Variants in SPTB observed in about 807,000 individuals in gnomAD.
SPTB encodes the protein spectrin beta chain, erythrocytic.
Under a neutral mutation model 256.2 loss-of-function variants are expected in SPTB, and 45 were observed. The ratio of observed to expected loss-of-function variants is 0.18; its 90% CI spans 0.14 to 0.23. The LOEUF is 0.23. Ranked by LOEUF, SPTB falls within the 10% of genes least tolerant of loss-of-function variation. The pLI is 1.00. For synonymous variants in SPTB, 1,231 were observed against 1,243.1 expected, an observed-to-expected ratio of 0.99 and a Z score of 0.21; for missense variants, 2,715 against 3,040.4, an observed-to-expected ratio of 0.89 and a Z score of 2.52.
intron 1 of SPTB, among the ~76,000 whole-genome samples, chr14:64,875,722 ATTC>A (rs1205179457): frequency 1.3e-5 from 2 of 151,862 alleles, no homozygotes; most frequent in Admixed American, 6.5e-5. Flanking sequence ...CAAAGATAAA[ATTC>A]TTCTTTCCAC....
In SPTB at chr14:64,823,857, C is replaced by G. The variant is rs541961974; in HGVS notation, c.-51-712G>C. ...TGAATTCCAGGACAGACTGAGCAAC[C>G]CAAAGGAGCCTGCTGTCCCATCAAG... On this transcript the variant is annotated intron_variant, in intron 1 of 35. Transcript: ENST00000644917. The surrounding 1 kb of genome is among the most constrained non-coding windows in gnomAD (Gnocchi z 6.5). 2.0e-5 allele frequency among the ~76,000 whole-genome samples: 3 copies of G among 152,286 alleles called. No individual in the cohort carries two copies. Among genetic ancestry groups the G allele is most frequent in the East Asian group, 1.9e-4 (1 of 5,178 alleles).
At chr14:64,860,957 T>A (rs373453738) in intron 1 of SPTB, among the ~76,000 whole-genome samples, 55 of 152,198 alleles carry the variant, frequency 3.6e-4, no homozygotes, top group African/African-American at 1.3e-3. Context: ...ACCAAAGACA[T>A]GGAACCAACC....
rs188217752 is a variant in SPTB, at chr14:64,767,780, G to A, written c.6102C>T (p.Ser2034=). The A allele has an allele frequency of 1.5e-5, 24 of 1,614,100 alleles. No individual in the cohort carries two copies. The Admixed American group carries it at 2.0e-4, about 13-fold the overall frequency. Residue 2034 remains serine, a synonymous_variant, in exon 30 of 36, where the codon AGC becomes AGT. Transcript: ENST00000644917. ...WLIAQEPYLA[S]GDFGHTVDSV... ...TGTCCACTGTGTGTCCAAAGTCCCC[G>A]CTGGCCAGGTAGGGCTCCTGGGCAA...
At chr14:64,770,628 G>A (rs1278900911) in intron 27 of SPTB, among the ~76,000 whole-genome samples, 1 of 152,158 alleles carries the variant, frequency 6.6e-6, no homozygotes, top group African/African-American at 2.4e-5. Context: ...TCCCATTAGA[G>A]AACCTGAATG....
intron 1 of SPTB, among the ~76,000 whole-genome samples, chr14:64,840,222 G>A (rs1169089632): frequency 1.3e-5 from 2 of 152,192 alleles, no homozygotes; most frequent in Non-Finnish European, 2.9e-5. Flanking sequence ...TTCAGAAGAT[G>A]GGGAAAGACT....
At chr14:64,812,662 C>G (rs2083111557) in intron 2 of SPTB, among the ~76,000 whole-genome samples, 1 of 152,214 alleles carries the variant, frequency 6.6e-6, no homozygotes, top group Non-Finnish European at 1.5e-5. Context: ...AGCTGCCAGC[C>G]CCACCCACTG....
At chr14:64,850,678 T>C (rs1232225093) in intron 1 of SPTB, among the ~76,000 whole-genome samples, 1 of 152,194 alleles carries the variant, frequency 6.6e-6, no homozygotes, top group Non-Finnish European at 1.5e-5. Flanking sequence ...CTTCCCATGA[T>C]TTGGGTTACT....
At chr14:64,784,977 G>A (rs891159050) in intron 18 of SPTB, among the ~76,000 whole-genome samples, 1 of 152,196 alleles carries the variant, frequency 6.6e-6, no homozygotes, top group South Asian at 2.1e-4. Flanking sequence ...AGGACCTTCT[G>A]AGCTAGCAGT....
At chr14:64,857,516 T>C (rs1254730556) in intron 1 of SPTB, among the ~76,000 whole-genome samples, 2 of 134,550 alleles carry the variant, frequency 1.5e-5, no homozygotes, top group Non-Finnish European at 1.5e-5. Flanking sequence ...AAGTTGAGGC[T>C]GCAGTGAGCC....
intron 28 of SPTB, among the ~76,000 whole-genome samples, 155 bp downstream of exon 28, chr14:64,769,435 C>T (rs181225637): frequency 3.5e-4 from 54 of 152,322 alleles, no homozygotes; most frequent in African/African-American, 1.2e-3. Flanking sequence ...GGGCTCCAAT[C>T]CCCGGGCCTG....
In SPTB at chr14:64,747,133, C is replaced by G. The variant is rs1444328059; in HGVS notation, c.*2173G>C. On this transcript the variant is annotated 3_prime_UTR_variant, in exon 36 of 36. Coordinates refer to ENST00000644917, the MANE Select transcript of SPTB (RefSeq NM_001355436.2). ...GCTAGCTCTTCCACTAGAGCCCTTC[C>G]TTTCTCGGGTCTGTGGAGTTGCTTG... The G allele has an allele frequency of 6.6e-6, 1 of 152,532 alleles. No homozygotes were observed. Among genetic ancestry groups the G allele is most frequent in the Non-Finnish European group, 1.5e-5 (1 of 68,066 alleles). The allele number at this position is 152,532 out of a possible 1,614,324, so 9.4% of individuals were successfully genotyped here.
chr14:64,865,724 C>G (rs533555409), intron 1 of SPTB, among the ~76,000 whole-genome samples: 1 of 152,318 alleles, frequency 6.6e-6, no homozygotes, highest in East Asian at 1.9e-4. Flanking sequence ...CTTCGCACAG[C>G]TTTGAAACAC....
intron 2 of SPTB, among the ~76,000 whole-genome samples, chr14:64,821,531 G>T (rs763693412): frequency 1.3e-5 from 2 of 152,150 alleles, no homozygotes; most frequent in Non-Finnish European, 2.9e-5. Flanking sequence ...GGTCATTGCA[G>T]CTAGATCCAG....
At position 64,793,415 on chromosome 14, in the gene SPTB, C is replaced by A; in HGVS notation, c.2248G>T (p.Gly750Cys). The A allele has an allele frequency of 6.2e-7, 1 of 1,613,696 alleles. No individual in the cohort carries two copies. The highest frequency in any genetic ancestry group is 1.1e-5 in the South Asian group (1 of 91,084). The change falls in exon 14 of 36, where the codon GGC (glycine) becomes TGC (cysteine). Residue 750 changes from glycine (G) to cysteine (C), a missense_variant. Physicochemically the swap from Gly to Cys is radical, Grantham distance 159. This residue lies in a region of SPTB where 2,239 missense variants were observed against 2,384.4 expected (regional missense o/e 0.94). Coordinates refer to ENST00000644917, the MANE Select transcript of SPTB (RefSeq NM_001355436.2). The surrounding 1 kb of genome is among the most constrained non-coding windows in gnomAD (Gnocchi z 7.0). ...CAAGCCTTCAGGTCATCCGCATCGC[C>A]CTGGAACTGGAAAAAGTTCTCAGCA... ...QDAENFFQFQ[G>C]DADDLKAWLQ... is the part of the protein sequence containing the mutation.
At chr14:64,799,986 G>A (rs762883166) in intron 8 of SPTB, 52 bp from the exon 9 acceptor site, 1 of 1,598,496 alleles carries the variant, frequency 6.3e-7, no homozygotes, top group Non-Finnish European at 8.6e-7. Context: ...TGCCACCACT[G>A]AGGATATCAA....
intron 33 of SPTB, 28 bp from the exon 34 acceptor site, chr14:64,750,182 C>G: frequency 6.2e-7 from 1 of 1,606,560 alleles, no homozygotes; most frequent in Non-Finnish European, 8.5e-7. Flanking sequence ...GGCAGGTCAC[C>G]CACATCCTGA....
rs1201525610 is a variant in SPTB at position 64,823,152 on chromosome 14, G to C, written c.-51-7C>G. ...AGTCTTCATGGAAGGATCCCTGGGG[G>C]ACAGCAACACAGTCAGAGGGTTATC... On this transcript the variant is annotated splice_region_variant and splice_polypyrimidine_tract_variant and intron_variant, in intron 1 of 35. Coordinates refer to ENST00000644917, the MANE Select transcript of SPTB (RefSeq NM_001355436.2). The surrounding 1 kb of genome is among the most constrained non-coding windows in gnomAD (Gnocchi z 6.5). The C allele has an allele frequency of 6.2e-7, 1 of 1,604,466 alleles. No homozygotes were observed. The highest frequency in any genetic ancestry group is 8.5e-7 in the Non-Finnish European group (1 of 1,171,680).
At chr14:64,835,113 A>G (rs1309143037) in intron 1 of SPTB, among the ~76,000 whole-genome samples, 2 of 152,184 alleles carry the variant, frequency 1.3e-5, no homozygotes, top group Non-Finnish European at 1.5e-5. Flanking sequence ...GGTGCTGGCT[A>G]GAGGTTTTCT....
chr14:64,767,813 C>T lies in SPTB; in HGVS notation c.6069G>A (p.Ala2023=), dbSNP rs138683494. 6.1e-5 allele frequency: 98 copies of T among 1,614,030 alleles called. No individual in the cohort carries two copies. The African/African-American group carries it at 7.5e-4, about 12-fold the overall frequency. Residue 2023 remains alanine, a synonymous_variant, in exon 30 of 36, where the codon GCG becomes GCA. Transcript: ENST00000644917. ...QFSRDASVAE[A]WLIAQEPYLA... is the part of the protein sequence containing the mutation. ...GGTAGGGCTCCTGGGCAATCAGCCA[C>T]GCCTCAGCCACAGAGGCATCCCTCG...
Sources: gnomAD v4.1 joint callset for allele counts (sites outside exome capture counted in the v4.1 genomes callset) on GRCh38, gnomAD v4.1.1 for gene constraint, gnomAD v4.1.1 regional missense constraint, Gnocchi (gnomAD v3.1) non-coding constraint, MANE v1.5 for transcripts, NCBI Gene and HGNC (gene_info 2026-07-23, HGNC 2026-07-21) for gene names.